SNX27: variants seen among roughly 807,000 people sequenced by gnomAD.
SNX27 encodes the protein sorting nexin-27.
Under a neutral mutation model 71.6 loss-of-function variants are expected in SNX27, and 22 were observed. The ratio of observed to expected loss-of-function variants is 0.31; its 90% confidence interval spans 0.22 to 0.44. The LOEUF (loss-of-function observed/expected upper bound fraction) is 0.44, where lower values mean the gene tolerates loss of function less well. Among genes scored for constraint, SNX27 ranks in the 20% least tolerant of loss-of-function variants. The pLI, the probability that SNX27 is intolerant of heterozygous loss-of-function variation, is 1.00. For missense variants in SNX27, 531 were observed against 698.6 expected, an observed-to-expected ratio of 0.76 and a Z score of 2.70; for synonymous variants, 269 against 277.2, an observed-to-expected ratio of 0.97 and a Z score of 0.29.
intron 7 of SNX27, among the ~76,000 whole-genome samples, chr1:151,680,859 A>G (rs777998791): frequency 1.4e-4 from 22 of 152,150 alleles, no homozygotes; most frequent in Admixed American, 6.5e-5. Flanking sequence ...GGTGATGAAG[A>G]GGAAAGTGTT....
chr1:151,612,514 T>G lies in SNX27; in HGVS notation c.311+2T>G. The G allele has an allele frequency of 7.3e-7, 1 of 1,372,222 alleles. No individual in the cohort carries two copies. Among genetic ancestry groups the G allele is most frequent in the Non-Finnish European group, 9.4e-7 (1 of 1,065,904 alleles). The allele number at this position is 1,372,222 out of a possible 1,614,324, so 85.0% of individuals were successfully genotyped here. A position where few individuals can be genotyped will look rare whatever the true frequency, so the allele number is the denominator to read the frequency against. ...CAAGGGGGACCGCATCCTGGAGGTG[T>G]GAGTATCGGGGCTACCCGCCGCCCC... On this transcript the variant is annotated splice_donor_variant, in intron 1 of 11. Coordinates refer to ENST00000458013, the MANE Select transcript of SNX27 (RefSeq NM_001330723.2). LOFTEE classifies it high-confidence loss of function. The surrounding 1 kb of genome is among the most constrained non-coding windows in gnomAD (Gnocchi z 5.2).
intron 2 of SNX27, among the ~76,000 whole-genome samples, chr1:151,645,663 A>C (rs935113026): frequency 6.6e-6 from 1 of 152,162 alleles, no homozygotes; most frequent in African/African-American, 2.4e-5. Flanking sequence ...TTCTCCACTC[A>C]CTCTGGTAGC....
chr1:151,616,791 C>T (rs895103021), intron 1 of SNX27, among the ~76,000 whole-genome samples: 3 of 152,174 alleles, frequency 2.0e-5, no homozygotes, highest in Non-Finnish European at 2.9e-5. Flanking sequence ...GGTTCTCAGG[C>T]TTTAGGGTAC....
chr1:151,660,567 C>T, intron 3 of SNX27: 2 of 442,130 alleles, frequency 4.5e-6, no homozygotes, highest in Non-Finnish European at 8.2e-6. Context: ...ATATTTTTAG[C>T]AAGCTACATC....
At chr1:151,687,624 G>A (rs760143656) in intron 8 of SNX27, among the ~76,000 whole-genome samples, 3 of 152,090 alleles carry the variant, frequency 2.0e-5, no homozygotes, top group Non-Finnish European at 4.4e-5. Flanking sequence ...CACCTAAAGT[G>A]TTCTGCTCTG....
chr1:151,673,920 G>A (rs1466120382), intron 7 of SNX27, among the ~76,000 whole-genome samples: 1 of 151,970 alleles, frequency 6.6e-6, no homozygotes, highest in African/African-American at 2.4e-5. Context: ...TTCCATCTGT[G>A]TGTGTCTTTG....
At chr1:151,652,188 A>AGGGAGAGGGAGACCGTG (rs1313998872) in intron 2 of SNX27, among the ~76,000 whole-genome samples, 2 of 99,728 alleles carry the variant, frequency 2.0e-5, no homozygotes, top group East Asian at 3.2e-4. Flanking sequence ...GTGGAAAGAG[A>AGGGAGAGGGAGACCGTG]GGGAGAGGGA....
chr1:151,613,026 T>TG (rs1489585555), intron 1 of SNX27, among the ~76,000 whole-genome samples: 1 of 151,870 alleles, frequency 6.6e-6, no homozygotes, highest in Non-Finnish European at 1.5e-5. Context: ...GCAGGACCTC[T>TG]GGTCTGCTCC....
intron 2 of SNX27, among the ~76,000 whole-genome samples, chr1:151,642,947 T>A (rs975507539): frequency 5.9e-5 from 9 of 151,294 alleles, no homozygotes; most frequent in African/African-American, 2.2e-4. Context: ...GCCTATTTTT[T>A]ATTTTTGTTT....
chr1:151,639,843 C>A (rs1423174650), intron 2 of SNX27, among the ~76,000 whole-genome samples: 1 of 152,124 alleles, frequency 6.6e-6, no homozygotes, highest in Non-Finnish European at 1.5e-5. Context: ...TTGCAATATG[C>A]TTTATTTGCC....
At chr1:151,637,473 C>T (rs1311506662) in intron 1 of SNX27, among the ~76,000 whole-genome samples, 2 of 152,288 alleles carry the variant, frequency 1.3e-5, no homozygotes, top group Non-Finnish European at 2.9e-5. Flanking sequence ...CCACCGCGCC[C>T]GGCGCCTGAT....
intron 7 of SNX27, among the ~76,000 whole-genome samples, chr1:151,670,757 T>C (rs1670423400): frequency 6.6e-6 from 1 of 152,218 alleles, no homozygotes; most frequent in African/African-American, 2.4e-5. Context: ...TGTTGATTGT[T>C]TCCTTTGCTG....
chr1:151,664,685 T>G (rs911383639), intron 5 of SNX27, among the ~76,000 whole-genome samples: 2 of 152,190 alleles, frequency 1.3e-5, no homozygotes, highest in African/African-American at 4.8e-5. Flanking sequence ...CTATCCCCCA[T>G]ACATTTATTC....
intron 7 of SNX27, among the ~76,000 whole-genome samples, chr1:151,675,101 A>G (rs116585882): frequency 0.019 from 2,841 of 152,212 alleles, 75 homozygotes; most frequent in African/African-American, 0.064. Context: ...GAATTTCGTC[A>G]TATAAATTTG....
At chr1:151,644,478 C>G (rs1305387629) in intron 2 of SNX27, among the ~76,000 whole-genome samples, 1 of 152,166 alleles carries the variant, frequency 6.6e-6, no homozygotes, top group African/African-American at 2.4e-5. Context: ...TTTTAACATT[C>G]CATTATATGG....
At chr1:151,660,612 A>G in intron 3 of SNX27, 186 bp from the exon 4 acceptor site, 1 of 570,826 alleles carries the variant, frequency 1.8e-6, no homozygotes, top group Non-Finnish European at 3.1e-6. Flanking sequence ...TTCTGATCAT[A>G]TTTAGATGAA....
intron 1 of SNX27, among the ~76,000 whole-genome samples, chr1:151,633,163 C>T (rs189038327): frequency 1.2e-3 from 186 of 152,150 alleles, no homozygotes; most frequent in African/African-American, 2.6e-3. Context: ...TGAGCCACCG[C>T]GCTCGGCCAA....
rs1415847503 is a variant in SNX27 at position 151,695,324 on chromosome 1, C to G, written c.*907C>G. ...TTTCCTAGAGCCTCGGTATGCTTTCCCTCAACCGACCCTGGCTCAGGAGGT... is the reference window on the plus strand; with the variant it reads ...TTTCCTAGAGCCTCGGTATGCTTTCGCTCAACCGACCCTGGCTCAGGAGGT... On this transcript the variant is annotated 3_prime_UTR_variant, in exon 12 of 12. Coordinates refer to ENST00000458013, the MANE Select transcript of SNX27 (RefSeq NM_001330723.2). 1 of 151,942 alleles carries G rather than the reference C, an allele frequency of 6.6e-6. No homozygotes were observed. Among genetic ancestry groups the G allele is most frequent in the African/African-American group, 2.4e-5 (1 of 41,330 alleles). 9.4% of individuals were successfully genotyped at this position (151,942 alleles called of 1,614,324 possible). A position where few individuals can be genotyped will look rare whatever the true frequency, so the allele number is the denominator to read the frequency against.
At chr1:151,623,420 G>A (rs955375980) in intron 1 of SNX27, among the ~76,000 whole-genome samples, 10 of 151,432 alleles carry the variant, frequency 6.6e-5, no homozygotes, top group Non-Finnish European at 2.9e-5. Flanking sequence ...GATTACAGGC[G>A]TGAGCCACCG....
Sources: allele counts gnomAD v4.1 joint callset (sites outside exome capture counted in the v4.1 genomes callset), GRCh38; gene constraint gnomAD v4.1.1; non-coding constraint Gnocchi (gnomAD v3.1); transcripts MANE v1.5; gene names NCBI Gene and HGNC (gene_info 2026-07-23, HGNC 2026-07-21).